Variants in FOXP1 observed in about 807,000 individuals in gnomAD.
FOXP1 encodes the protein forkhead box P1.
A neutral mutation model predicts 98.2 loss-of-function variants in FOXP1; 15 were observed. That is an observed-to-expected ratio of 0.15 (90% CI 0.10 to 0.24). The LOEUF is 0.24. Ranked by LOEUF, FOXP1 falls within the 10% of genes least tolerant of loss-of-function variation. The probability of loss-of-function intolerance (pLI) is 1.00; values close to 1 mark genes in which losing one functional copy is unlikely to be tolerated. For missense variants in FOXP1, 633 were observed against 848.5 expected (o/e 0.75, Z 3.15); for synonymous variants, 371 against 314.5 (o/e 1.18, Z -1.90).
At chr3:71,044,079 C>T (rs1331714620) in intron 10 of FOXP1, among the ~76,000 whole-genome samples, 1 of 152,168 alleles carries the variant, frequency 6.6e-6, no homozygotes, top group African/African-American at 2.4e-5. Context: ...TGCCATATAT[C>T]GTTAGTGATG....
At chr3:71,156,972 C>A (rs1340863930) in intron 6 of FOXP1, among the ~76,000 whole-genome samples, 1 of 152,164 alleles carries the variant, frequency 6.6e-6, no homozygotes, top group Non-Finnish European at 1.5e-5. Context: ...CACGAGGTGA[C>A]TAAAGAAAAG....
chr3:71,137,175 T>C (rs768807371), intron 6 of FOXP1, among the ~76,000 whole-genome samples: 1 of 152,194 alleles, frequency 6.6e-6, no homozygotes, highest in Non-Finnish European at 1.5e-5. Flanking sequence ...TTCCAGGGTG[T>C]TAGCTACCTG....
chr3:71,078,405 A>G (rs939800727), intron 7 of FOXP1, among the ~76,000 whole-genome samples: 3 of 152,130 alleles, frequency 2.0e-5, no homozygotes, highest in African/African-American at 7.2e-5. Flanking sequence ...CAATGATTAG[A>G]CTCTTCGAAA....
chr3:71,445,766 CA>C (rs2086356630), intron 3 of FOXP1, among the ~76,000 whole-genome samples: 1 of 151,170 alleles, frequency 6.6e-6, no homozygotes, highest in African/African-American at 2.4e-5. Context: ...CAGCTCACTG[CA>C]ACCCCCGCCT....
intron 5 of FOXP1, among the ~76,000 whole-genome samples, chr3:71,239,972 G>A (rs924228930): frequency 6.6e-6 from 1 of 152,230 alleles, no homozygotes; most frequent in African/African-American, 2.4e-5. Context: ...GAACTGCTGG[G>A]GGCAGGGTTG....
At chr3:71,457,185 T>C (rs2087587547) in intron 3 of FOXP1, among the ~76,000 whole-genome samples, 1 of 151,806 alleles carries the variant, frequency 6.6e-6, no homozygotes, top group African/African-American at 2.4e-5. Context: ...CATATTTATA[T>C]CATAATATAC....
intron 7 of FOXP1, among the ~76,000 whole-genome samples, chr3:71,109,894 G>C (rs567752833): frequency 3.9e-5 from 6 of 152,072 alleles, no homozygotes; most frequent in Non-Finnish European, 8.8e-5. Context: ...ATTTCCCCCG[G>C]CCAAATCTTA....
intron 5 of FOXP1, chr3:71,295,977 T>G (rs759436128): frequency 1.1e-4 from 16 of 152,178 alleles, no homozygotes; most frequent in African/African-American, 2.9e-4. Context: ...CAGCTACCTC[T>G]TAGGAATGCC....
rs542414146 is a variant in FOXP1 at position 71,186,645 on chromosome 3, A to C, written c.180+11557T>G. Among the ~76,000 whole-genome samples, 3 of 152,334 alleles carry C rather than the reference A, an allele frequency of 2.0e-5. 1 individual carries two copies. The South Asian group carries it at 6.2e-4, about 32-fold the overall frequency. Reference sequence around the variant, plus strand: ...AGAATCTCTTGAACCCGGGAGGTGGAGGTTGCAGTGAGCTGAGACAGGGCC... The same window carrying C: ...AGAATCTCTTGAACCCGGGAGGTGGCGGTTGCAGTGAGCTGAGACAGGGCC... On this transcript the variant is annotated intron_variant, in intron 6 of 20. Coordinates refer to ENST00000649528, the MANE Select transcript of FOXP1 (RefSeq NM_001349338.3).
At chr3:71,562,997 C>T (rs73096824) in intron 2 of FOXP1, among the ~76,000 whole-genome samples, 3,230 of 152,220 alleles carry the variant, frequency 0.021, 42 homozygotes, top group Non-Finnish European at 0.033. Context: ...TAGCAAGTGC[C>T]CTTCCAGGAA....
chr3:71,247,058 A>G (rs767347546), intron 5 of FOXP1, among the ~76,000 whole-genome samples: 6 of 151,816 alleles, frequency 4.0e-5, no homozygotes, highest in African/African-American at 1.2e-4. Flanking sequence ...ATTTGTTTCA[A>G]TAAAAATTGA....
chr3:70,969,828 T>C (rs994281771), intron 19 of FOXP1: 1 of 152,112 alleles, frequency 6.6e-6, no homozygotes, highest in Non-Finnish European at 1.5e-5. Flanking sequence ...GGATGACAAA[T>C]GTCAGATTTA....
At chr3:71,479,792 C>T (rs12487658) in intron 3 of FOXP1, among the ~76,000 whole-genome samples, 107,487 of 152,076 alleles carry the variant, frequency 0.71, 39,885 homozygotes, top group Non-Finnish European at 0.8. Context: ...ATTAAGGACA[C>T]ATGAACAACT....
At chr3:71,268,386 A>G (rs373643186) in intron 5 of FOXP1, among the ~76,000 whole-genome samples, 5 of 152,238 alleles carry the variant, frequency 3.3e-5, no homozygotes, top group Admixed American at 6.5e-5. Flanking sequence ...TGTATTTCCG[A>G]GATTCCAAGG....
chr3:71,020,328 AAGT>A (rs750087664), intron 11 of FOXP1, among the ~76,000 whole-genome samples: 2 of 152,172 alleles, frequency 1.3e-5, no homozygotes, highest in Non-Finnish European at 2.9e-5. Context: ...AATGACAGTT[AAGT>A]AGGATATTTT....
rs528951657 is a variant in FOXP1 at position 70,961,839 on chromosome 3, T to C, written c.1890-2448A>G. 1.1e-4 allele frequency among the ~76,000 whole-genome samples: 17 copies of C among 152,182 alleles called. 1 individual carries two copies. In the South Asian group the frequency reaches 3.5e-3, roughly 32 times the overall value. On this transcript the variant is annotated intron_variant, in intron 20 of 20. Coordinates refer to ENST00000649528, the MANE Select transcript of FOXP1 (RefSeq NM_001349338.3). ...TACTTGGGAGGCTAAGGTAGGATGATCACTTGAGCCCAGGAGTTCGAGTCC... is the reference window on the plus strand; with the variant it reads ...TACTTGGGAGGCTAAGGTAGGATGACCACTTGAGCCCAGGAGTTCGAGTCC...
chr3:71,504,685 C>T (rs748389459), intron 2 of FOXP1, among the ~76,000 whole-genome samples: 6 of 151,994 alleles, frequency 3.9e-5, no homozygotes, highest in African/African-American at 1.2e-4. Context: ...TGTCTCGAGG[C>T]GCCAAGGGAA....
chr3:71,544,740 G>A (rs1260676286), intron 2 of FOXP1, among the ~76,000 whole-genome samples: 3 of 152,120 alleles, frequency 2.0e-5, no homozygotes, highest in Non-Finnish European at 2.9e-5. Context: ...AGACCAAATC[G>A]TCATGTATTT....
intron 5 of FOXP1, among the ~76,000 whole-genome samples, chr3:71,225,340 ATTC>A: frequency 6.6e-6 from 1 of 152,360 alleles, no homozygotes. Flanking sequence ...GTGTAGCTCA[ATTC>A]TCTGAACAAC....
Sources: gnomAD v4.1 joint callset for allele counts (sites outside exome capture counted in the v4.1 genomes callset) on GRCh38, gnomAD v4.1.1 for gene constraint, MANE v1.5 for transcripts, NCBI Gene and HGNC (gene_info 2026-07-23, HGNC 2026-07-21) for gene names.